Variants in CACNA1B observed in about 807,000 individuals in gnomAD.
CACNA1B encodes voltage-dependent N-type calcium channel subunit alpha-1B.
A neutral mutation model predicts 247.2 loss-of-function variants in CACNA1B; 70 were observed. The ratio of observed to expected loss-of-function variants is 0.28; its 90% CI spans 0.23 to 0.35. The LOEUF is 0.35. Ranked by LOEUF, CACNA1B falls within the 10% of genes least tolerant of loss-of-function variation. The pLI is 1.00. For synonymous variants in CACNA1B, 1,231 were observed against 1,294.4 expected (o/e 0.95, Z 1.05); for missense variants, 2,367 against 3,197.4 (o/e 0.74, Z 6.26).
At chr9:138,067,420 G>T (rs772145577) in intron 31 of CACNA1B, among the ~76,000 whole-genome samples, 3 of 152,228 alleles carry the variant, frequency 2.0e-5, no homozygotes, top group Non-Finnish European at 4.4e-5. Context: ...AGAAGAGAAG[G>T]CTGGGTGCAA....
chr9:137,906,285 C>T (rs1418142929), intron 3 of CACNA1B, among the ~76,000 whole-genome samples: 4 of 152,304 alleles, frequency 2.6e-5, no homozygotes, highest in African/African-American at 9.6e-5. Context: ...GGCCGCTTTG[C>T]TGACATTTCA....
At chr9:138,083,168 G>A (rs1387396857) in intron 36 of CACNA1B, among the ~76,000 whole-genome samples, 3 of 151,160 alleles carry the variant, frequency 2.0e-5, no homozygotes, top group African/African-American at 7.3e-5. Flanking sequence ...TGTGGCCCAC[G>A]TGGCTACTGT....
intron 31 of CACNA1B, among the ~76,000 whole-genome samples, chr9:138,066,914 CTA>C (rs1479026060): frequency 1.3e-5 from 2 of 152,020 alleles, no homozygotes; most frequent in African/African-American, 4.8e-5. Context: ...AAAACAAAGA[CTA>C]GAGAGAATCA....
At chr9:137,988,554 C>G (rs540512477) in intron 15 of CACNA1B, among the ~76,000 whole-genome samples, 2 of 152,226 alleles carry the variant, frequency 1.3e-5, no homozygotes, top group East Asian at 3.9e-4. Context: ...GCCCCCTGCT[C>G]TGAACACAGC....
intron 16 of CACNA1B, 89 bp from the exon 17 acceptor site, chr9:138,009,921 C>A: frequency 9.8e-7 from 1 of 1,021,186 alleles, no homozygotes; most frequent in Non-Finnish European, 1.5e-6. Flanking sequence ...AGGCTGGAGG[C>A]TGGTTGGGAT....
intron 6 of CACNA1B, among the ~76,000 whole-genome samples, chr9:137,946,693 C>T (rs1053268106): frequency 2.0e-5 from 3 of 152,036 alleles, no homozygotes; most frequent in Non-Finnish European, 4.4e-5. Context: ...TCAGTCTCTC[C>T]GTAGAGTGGC....
intron 38 of CACNA1B, among the ~76,000 whole-genome samples, chr9:138,105,438 A>G (rs1589130853): frequency 6.6e-6 from 1 of 152,126 alleles, no homozygotes; most frequent in South Asian, 2.1e-4. Context: ...TTTCAGAGGG[A>G]TCAAGGCTCC....
intron 3 of CACNA1B, among the ~76,000 whole-genome samples, chr9:137,886,800 T>C (rs1158314070): frequency 1.6e-4 from 24 of 152,152 alleles, no homozygotes; most frequent in Non-Finnish European, 2.9e-5. Context: ...TGGATGGTGA[T>C]GAGTGGCGGG....
Position 137,974,188 on chromosome 9 carries a change from C to T in CACNA1B, c.1544-1719C>T, listed in dbSNP as rs1564215884. Among the ~76,000 whole-genome samples, 1 of 152,206 alleles carries T rather than the reference C, an allele frequency of 6.6e-6. No individual in the cohort carries two copies. Among genetic ancestry groups the T allele is most frequent in the Non-Finnish European group, 1.5e-5 (1 of 68,046 alleles). ...GTCACGGCTTTCCTGCCACATCTCA[C>T]ACCTGGTGGTCTGCACAGCCAGGCC... On this transcript the variant is annotated intron_variant, in intron 11 of 46. Transcript: ENST00000371372. The surrounding 1 kb of genome is among the most constrained non-coding windows in gnomAD (Gnocchi z 4.5).
Position 138,020,312 on chromosome 9 carries a change from A to T in CACNA1B, c.2268-2699A>T, listed in dbSNP as rs537552820. Among the ~76,000 whole-genome samples the T allele has an allele frequency of 3.3e-5, 5 of 152,118 alleles. No homozygotes were observed. Among genetic ancestry groups the T allele is most frequent in the African/African-American group, 1.2e-4 (5 of 41,414 alleles). ...TCCCTGGAACAGCTGGGTTGTGCCT[A>T]CCAGCTGAGGCCAGGACACAGGGGT... On this transcript the variant is annotated intron_variant, in intron 18 of 46. Transcript: ENST00000371372. The surrounding 1 kb of genome is among the most constrained non-coding windows in gnomAD (Gnocchi z 4.1).
In CACNA1B at chr9:138,121,523, C is replaced by A. The variant is rs200435656; in HGVS notation, c.6544C>A (p.Pro2182Thr). The A allele has an allele frequency of 3.7e-5, 58 of 1,575,134 alleles. No homozygotes were observed. Among genetic ancestry groups the A allele is most frequent in the Non-Finnish European group, 1.0e-5 (12 of 1,158,338 alleles). ...GCTGTCAACATCTGGTGCTAGCACC[C>A]CCGGCCGCGGTGGGCGGAGGCAGCT... ...PLLSTSGAST[P>T]GRGGRRQLPQ... Residue 2182 changes from proline to threonine, a missense_variant, in exon 47 of 47, where the codon CCC becomes ACC. Physicochemically the swap from Pro to Thr is conservative, Grantham distance 38. Coordinates refer to ENST00000371372, the MANE Select transcript of CACNA1B (RefSeq NM_000718.4). The surrounding 1 kb of genome is among the most constrained non-coding windows in gnomAD (Gnocchi z 6.8).
At chr9:138,085,403 A>C (rs1589119456) in intron 36 of CACNA1B, among the ~76,000 whole-genome samples, 1 of 151,098 alleles carries the variant, frequency 6.6e-6, no homozygotes, top group Non-Finnish European at 1.5e-5. Flanking sequence ...ATGATTAAGC[A>C]AAAAAATATT....
In CACNA1B at chr9:137,955,533, G is replaced by A. The variant is rs910533934; in HGVS notation, c.1071-165G>A. Among the ~76,000 whole-genome samples the A allele has an allele frequency of 6.6e-6, 1 of 152,242 alleles. No homozygotes were observed. Among genetic ancestry groups the A allele is most frequent in the Non-Finnish European group, 1.5e-5 (1 of 68,046 alleles). On this transcript the variant is annotated intron_variant, in intron 7 of 46. Coordinates refer to ENST00000371372, the MANE Select transcript of CACNA1B (RefSeq NM_000718.4). The surrounding 1 kb of genome is among the most constrained non-coding windows in gnomAD (Gnocchi z 6.9). The stretch of plus-strand genomic sequence containing the variant: ...TGGTGCTCTGGAGTGCTCATCTGGA[G>A]TGCTCAGGTTAGAAGAGGCCTGGGT...
chr9:137,883,128 G>A (rs1235717636), intron 3 of CACNA1B: 19 of 508,194 alleles, frequency 3.7e-5, no homozygotes, highest in South Asian at 1.1e-4. Context: ...CCCAGGAGGC[G>A]CTGGCTTGCA....
chr9:138,071,724 T>G (rs1446904639), intron 32 of CACNA1B, among the ~76,000 whole-genome samples: 4 of 152,192 alleles, frequency 2.6e-5, no homozygotes, highest in Admixed American at 6.5e-5. Context: ...TCGCCTGCCC[T>G]GTTGTCTTCC....
chr9:137,986,770 T>C lies in CACNA1B; in HGVS notation c.1902-12T>C, dbSNP rs1397460623. The C allele has an allele frequency of 3.1e-6, 5 of 1,611,088 alleles. No individual in the cohort carries two copies. Among genetic ancestry groups the C allele is most frequent in the Admixed American group, 3.3e-5 (2 of 60,030 alleles). The stretch of plus-strand genomic sequence containing the variant: ...GGGACTGCCACTTCCCAAGCCTTCC[T>C]GTTTTCCTCAGGTTCAACTTCCAGG... On this transcript the variant is annotated splice_polypyrimidine_tract_variant and intron_variant, in intron 14 of 46. Coordinates refer to ENST00000371372, the MANE Select transcript of CACNA1B (RefSeq NM_000718.4). The surrounding 1 kb of genome is among the most constrained non-coding windows in gnomAD (Gnocchi z 6.0).
chr9:138,119,117 C>T (rs916691230), intron 44 of CACNA1B, among the ~76,000 whole-genome samples: 1 of 152,118 alleles, frequency 6.6e-6, no homozygotes, highest in Non-Finnish European at 1.5e-5. Context: ...GCTCTACTCC[C>T]TGAGACAACC....
chr9:137,957,570 A>C lies in CACNA1B; in HGVS notation c.1244-28A>C, dbSNP rs1343714087. 1 of 1,527,182 alleles carries C rather than the reference A, an allele frequency of 6.5e-7. No individual in the cohort carries two copies. Among genetic ancestry groups the C allele is most frequent in the East Asian group, 2.4e-5 (1 of 41,090 alleles). The allele number at this position is 1,527,182 out of a possible 1,614,324, so 94.6% of individuals were successfully genotyped here. Reference sequence around the variant, plus strand: ...GTGGCCTGAGGGCTGCAGCTCAGGCAGTCTCTCCCATCCTTTGTTTAAAGC... The same window carrying C: ...GTGGCCTGAGGGCTGCAGCTCAGGCCGTCTCTCCCATCCTTTGTTTAAAGC... On this transcript the variant is annotated intron_variant, in intron 9 of 46. Transcript: ENST00000371372. This position sits in a 1 kb window ranked among gnomAD's most constrained non-coding sequence, Gnocchi z 4.7.
chr9:138,109,248 C>T (rs1961542255), intron 39 of CACNA1B, among the ~76,000 whole-genome samples: 1 of 152,180 alleles, frequency 6.6e-6, no homozygotes, highest in Admixed American at 6.5e-5. Context: ...AAAAGATCAT[C>T]TTTTCTACAA....
Sources: gnomAD v4.1 joint callset for allele counts (sites outside exome capture counted in the v4.1 genomes callset) on GRCh38, gnomAD v4.1.1 for gene constraint, Gnocchi (gnomAD v3.1) non-coding constraint, MANE v1.5 for transcripts, NCBI Gene and HGNC (gene_info 2026-07-23, HGNC 2026-07-21) for gene names.